The following ADAMTS12 variants were observed in gnomAD, a reference collection of about 807,000 sequenced individuals.
ADAMTS12 encodes ADAM metallopeptidase with thrombospondin type 1 motif 12.
In ADAMTS12, 118 loss-of-function variants were observed where a neutral mutation model predicts 167.8. The ratio of observed to expected loss-of-function variants is 0.70; its 90% CI spans 0.61 to 0.82. The LOEUF (loss-of-function observed/expected upper bound fraction) is 0.82, where lower values mean the gene tolerates loss of function less well. Among genes scored for constraint, ADAMTS12 ranks in the 40% least tolerant of loss-of-function variants. ADAMTS12 has a pLI of 0.00. For synonymous variants in ADAMTS12, 704 were observed against 716.9 expected (o/e 0.98, Z 0.29); for missense variants, 1,916 against 1,998.8 (o/e 0.96, Z 0.79).
chr5:33,772,872 T>C (rs77885263), intron 2 of ADAMTS12, among the ~76,000 whole-genome samples: 18 of 152,320 alleles, frequency 1.2e-4, no homozygotes, highest in African/African-American at 4.3e-4. Flanking sequence ...AATGCTAATA[T>C]GAAGTGGGCA....
chr5:33,662,117 CAG>C (rs1371446459), intron 5 of ADAMTS12, 77 bp from the exon 6 acceptor site: 1 of 1,554,546 alleles, frequency 6.4e-7, no homozygotes, highest in African/African-American at 1.4e-5. Flanking sequence ...CATTCATCTC[CAG>C]AGGTGTCCAA....
chr5:33,709,765 T>C (rs1743328402), intron 3 of ADAMTS12, among the ~76,000 whole-genome samples: 1 of 152,060 alleles, frequency 6.6e-6, no homozygotes, highest in Non-Finnish European at 1.5e-5. Context: ...CTGCGCTTAA[T>C]ACCTAGGTGA....
At chr5:33,575,853 G>A (rs940963562) in intron 19 of ADAMTS12, among the ~76,000 whole-genome samples, 2 of 152,120 alleles carry the variant, frequency 1.3e-5, no homozygotes, top group South Asian at 4.1e-4. Context: ...AATTTCACAA[G>A]TTATATAATT....
At position 33,696,187 on chromosome 5, in the gene ADAMTS12, C is replaced by T. The variant is rs530886574; in HGVS notation, c.635-12132G>A. Among the ~76,000 whole-genome samples, 23 of 151,868 alleles carry T rather than the reference C, an allele frequency of 1.5e-4. No individual in the cohort carries two copies. The East Asian group carries it at 4.1e-3, about 27-fold the overall frequency. On this transcript the variant is annotated intron_variant, in intron 3 of 23. Transcript: ENST00000504830. The stretch of plus-strand genomic sequence containing the variant: ...CTGTAATCCCAGCACTTTGGGAGGC[C>T]AAGTCGGGCAGATCACGAGGTCAGG...
rs973876698 is a variant in ADAMTS12, at chr5:33,524,397, G to A, written c.*2791C>T. On this transcript the variant is annotated 3_prime_UTR_variant, in exon 24 of 24. Coordinates refer to ENST00000504830, the MANE Select transcript of ADAMTS12 (RefSeq NM_030955.4). Reference sequence around the variant, plus strand: ...CGTAAACCAAACTGGGTTTTAGAACGTTAATGTAGTTAAGTACCAGGCCCT... The same window carrying A: ...CGTAAACCAAACTGGGTTTTAGAACATTAATGTAGTTAAGTACCAGGCCCT... 2.6e-5 allele frequency: 4 copies of A among 152,160 alleles called. No individual in the cohort carries two copies. The highest frequency in any genetic ancestry group is 3.9e-4 in the East Asian group (2 of 5,192). The allele number at this position is 152,160 out of a possible 1,614,324, so 9.4% of individuals were successfully genotyped here.
intron 9 of ADAMTS12, 41 bp from the exon 10 acceptor site, chr5:33,643,511 G>A (rs1339509449): frequency 1.9e-6 from 3 of 1,580,930 alleles, no homozygotes; most frequent in East Asian, 2.2e-5. Context: ...TTCAAAACCT[G>A]CCACAAAGCA....
chr5:33,640,941 G>A (rs996751976), intron 11 of ADAMTS12, among the ~76,000 whole-genome samples: 2 of 151,070 alleles, frequency 1.3e-5, no homozygotes, highest in African/African-American at 4.9e-5. Flanking sequence ...AATAACCTTT[G>A]GAATTGAGAT....
chr5:33,877,255 T>C (rs1750262865), intron 2 of ADAMTS12, among the ~76,000 whole-genome samples: 1 of 152,254 alleles, frequency 6.6e-6, no homozygotes, highest in South Asian at 2.1e-4. Flanking sequence ...ATTAAAATTA[T>C]AAGTTTAATG....
chr5:33,681,458 T>C (rs1742110408), intron 5 of ADAMTS12, among the ~76,000 whole-genome samples: 1 of 152,202 alleles, frequency 6.6e-6, no homozygotes, highest in African/African-American at 2.4e-5. Flanking sequence ...ATTCATTACA[T>C]TTCACTTCAT....
intron 5 of ADAMTS12, among the ~76,000 whole-genome samples, chr5:33,680,060 G>C (rs1169501778): frequency 6.6e-6 from 1 of 152,202 alleles, no homozygotes; most frequent in South Asian, 2.1e-4. Context: ...AATGAGAATT[G>C]TGGACTGCAA....
At chr5:33,872,677 T>C (rs1015287427) in intron 2 of ADAMTS12, among the ~76,000 whole-genome samples, 1 of 152,166 alleles carries the variant, frequency 6.6e-6, no homozygotes, top group Non-Finnish European at 1.5e-5. Flanking sequence ...GCTCCCTGTG[T>C]CCCAGCCACT....
intron 2 of ADAMTS12, among the ~76,000 whole-genome samples, chr5:33,829,939 T>C (rs1180636078): frequency 6.6e-6 from 1 of 152,148 alleles, no homozygotes; most frequent in Admixed American, 6.5e-5. Context: ...TCCATAACTC[T>C]CTTGGTCTAG....
intron 11 of ADAMTS12, among the ~76,000 whole-genome samples, chr5:33,639,914 G>A (rs1442413248): frequency 6.6e-6 from 1 of 152,158 alleles, no homozygotes; most frequent in Non-Finnish European, 1.5e-5. Context: ...CACATAGTAG[G>A]CTCTTAATTT....
At chr5:33,867,300 T>C (rs888839453) in intron 2 of ADAMTS12, among the ~76,000 whole-genome samples, 1 of 152,114 alleles carries the variant, frequency 6.6e-6, no homozygotes, top group Non-Finnish European at 1.5e-5. Context: ...GAAAATAATG[T>C]CTTTTGCAGA....
chr5:33,683,987 T>C lies in ADAMTS12; in HGVS notation c.703A>G (p.Arg235Gly). 2 of 1,612,296 alleles carry C rather than the reference T, an allele frequency of 1.2e-6. No homozygotes were observed. The highest frequency in any genetic ancestry group is 1.7e-6 in the Non-Finnish European group (2 of 1,179,302). ...EKWERHNLPS[R>G]SLSRRSISKE... ...CTGATGGAACGCCGAGAGAGGCTTC[T>C]GCTTGGCAAGTTGTGCCTCTCCCAC... Residue 235 changes from arginine to glycine, a missense_variant, in exon 4 of 24, where the codon AGA becomes GGA. Transcript: ENST00000504830.
chr5:33,657,849 T>C (rs575370719), intron 7 of ADAMTS12, among the ~76,000 whole-genome samples: 24 of 152,278 alleles, frequency 1.6e-4, no homozygotes, highest in African/African-American at 5.8e-4. Context: ...TATCATTTCA[T>C]AAGAACTAAC....
intron 14 of ADAMTS12, among the ~76,000 whole-genome samples, chr5:33,620,458 C>T (rs894455226): frequency 2.0e-5 from 3 of 152,192 alleles, no homozygotes; most frequent in Non-Finnish European, 2.9e-5. Context: ...CATCACACAG[C>T]GTTTTAAACA....
At chr5:33,858,643 G>C (rs527993308) in intron 2 of ADAMTS12, among the ~76,000 whole-genome samples, 1 of 139,576 alleles carries the variant, frequency 7.2e-6, no homozygotes, top group South Asian at 2.2e-4. Flanking sequence ...GGGTCACAGA[G>C]CAAGACATCA....
intron 5 of ADAMTS12, among the ~76,000 whole-genome samples, chr5:33,674,214 G>C (rs531693661): frequency 6.6e-6 from 1 of 152,290 alleles, no homozygotes; most frequent in East Asian, 1.9e-4. Flanking sequence ...TGAAGACTAG[G>C]TGAATGGGAG....
Sources: gnomAD v4.1 joint callset for allele counts (sites outside exome capture counted in the v4.1 genomes callset) on GRCh38, gnomAD v4.1.1 for gene constraint, MANE v1.5 for transcripts, NCBI Gene and HGNC (gene_info 2026-07-23, HGNC 2026-07-21) for gene names.